FNDC3B: variants seen among roughly 807,000 people sequenced by gnomAD.
FNDC3B encodes the protein fibronectin type III domain-containing protein 3B.
A neutral mutation model predicts 151.5 loss-of-function variants in FNDC3B; 12 were observed. The observed-to-expected ratio is 0.08, with a 90% CI of 0.05 to 0.13. The LOEUF (loss-of-function observed/expected upper bound fraction) is 0.13, where lower values mean the gene tolerates loss of function less well. Among genes scored for constraint, FNDC3B ranks in the 10% least tolerant of loss-of-function variants. FNDC3B has a pLI of 1.00. For missense variants in FNDC3B, 1,214 were observed against 1,505.3 expected, an observed-to-expected ratio of 0.81 and a Z score of 3.20; for synonymous variants, 528 against 549.0, an observed-to-expected ratio of 0.96 and a Z score of 0.54.
intron 3 of FNDC3B, among the ~76,000 whole-genome samples, chr3:172,179,631 C>T (rs1347753582): frequency 1.3e-5 from 2 of 151,598 alleles, no homozygotes; most frequent in African/African-American, 2.4e-5. Flanking sequence ...GCTGTAATTC[C>T]AATACTTCGA....
intron 3 of FNDC3B, among the ~76,000 whole-genome samples, chr3:172,223,784 CA>C (rs894041751): frequency 5.3e-5 from 8 of 151,136 alleles, no homozygotes; most frequent in South Asian, 2.1e-4. Flanking sequence ...GTAATAGTAA[CA>C]AAAAAAAATT....
chr3:172,230,459 G>A (rs549688824), intron 4 of FNDC3B, among the ~76,000 whole-genome samples: 5 of 151,262 alleles, frequency 3.3e-5, no homozygotes, highest in African/African-American at 4.8e-5. Flanking sequence ...AACTGAGATC[G>A]TGCCACTGCA....
At chr3:172,209,831 G>T (rs755993995) in intron 3 of FNDC3B, among the ~76,000 whole-genome samples, 12 of 152,240 alleles carry the variant, frequency 7.9e-5, no homozygotes, top group Non-Finnish European at 1.5e-4. Flanking sequence ...CTGCAGGCCC[G>T]CACTGAACTG....
chr3:172,112,611 A>C, intron 2 of FNDC3B, 21 bp downstream of exon 2: 1 of 1,498,624 alleles, frequency 6.7e-7, no homozygotes, highest in Non-Finnish European at 9.3e-7. Context: ...GAAGAGGGAA[A>C]TTTAAGTCAA....
At chr3:172,301,343 TGAA>T (rs1159282975) in intron 9 of FNDC3B, among the ~76,000 whole-genome samples, 1 of 152,236 alleles carries the variant, frequency 6.6e-6, no homozygotes, top group Non-Finnish European at 1.5e-5. Flanking sequence ...TTTATTGAGA[TGAA>T]GATGTATTTT....
At chr3:172,087,056 C>G (rs928002343) in intron 1 of FNDC3B, among the ~76,000 whole-genome samples, 1 of 152,176 alleles carries the variant, frequency 6.6e-6, no homozygotes, top group Non-Finnish European at 1.5e-5. Flanking sequence ...CCAAGCCACT[C>G]CCGGAGATGG....
intron 3 of FNDC3B, among the ~76,000 whole-genome samples, chr3:172,189,222 A>G (rs1364189029): frequency 6.6e-6 from 1 of 152,204 alleles, no homozygotes; most frequent in Non-Finnish European, 1.5e-5. Context: ...TTAGGGGGGA[A>G]GATTTGTAAA....
At chr3:172,103,515 C>T (rs1719474592) in intron 1 of FNDC3B, among the ~76,000 whole-genome samples, 1 of 151,870 alleles carries the variant, frequency 6.6e-6, no homozygotes, top group East Asian at 1.9e-4. Context: ...TTATGCCAAG[C>T]CAAAAATGTT....
intron 11 of FNDC3B, among the ~76,000 whole-genome samples, chr3:172,321,409 A>G (rs945254010): frequency 1.3e-5 from 2 of 152,246 alleles, no homozygotes; most frequent in African/African-American, 4.8e-5. Context: ...AGCTTATACA[A>G]AAATAACTTT....
chr3:172,380,032 AT>A (rs1735357166), intron 24 of FNDC3B, among the ~76,000 whole-genome samples: 1 of 151,396 alleles, frequency 6.6e-6, no homozygotes, highest in Non-Finnish European at 1.5e-5. Context: ...AATGCTTGGA[AT>A]TTTGGCCTAG....
intron 3 of FNDC3B, among the ~76,000 whole-genome samples, chr3:172,212,254 T>C (rs80255486): frequency 0.022 from 3,331 of 152,338 alleles, 126 homozygotes; most frequent in African/African-American, 0.075. Flanking sequence ...TTAATGACTC[T>C]TTTTCCCTCT....
In FNDC3B at chr3:172,353,046, C is replaced by T. The variant is rs2108325778; in HGVS notation, c.2758C>T (p.His920Tyr). The T allele has an allele frequency of 2.5e-6, 4 of 1,613,944 alleles. No homozygotes were observed. In the East Asian group the frequency reaches 8.9e-5, roughly 36 times the overall value. Residue 920 changes from histidine (H) to tyrosine (Y), a missense_variant, in exon 22 of 26, where the codon CAT becomes TAT. Transcript: ENST00000415807. ...CATTACCGTGGGCAACACCACCATG[C>T]ATGTTATGAAAGATCTCCTTCCAGA... ...TSITVGNTTM[H>Y]VMKDLLPETT... is the part of the protein sequence containing the mutation.
intron 1 of FNDC3B, among the ~76,000 whole-genome samples, chr3:172,076,608 TTTAA>T (rs1243342118): frequency 6.6e-6 from 1 of 152,206 alleles, no homozygotes; most frequent in Admixed American, 6.5e-5. Flanking sequence ...CCTTATTATT[TTTAA>T]TTAATTTATT....
chr3:172,217,557 A>AGAT (rs1553774256), intron 3 of FNDC3B, among the ~76,000 whole-genome samples: 46 of 151,950 alleles, frequency 3.0e-4, no homozygotes, highest in Non-Finnish European at 1.3e-4. Flanking sequence ...TCAATTCCTT[A>AGAT]CATCTTGCAC....
chr3:172,362,107 C>T (rs893628470), intron 22 of FNDC3B, among the ~76,000 whole-genome samples: 2 of 152,170 alleles, frequency 1.3e-5, no homozygotes, highest in Non-Finnish European at 2.9e-5. Context: ...ATCTGGATGC[C>T]ATCCCATTAC....
chr3:172,215,785 A>G (rs965853884), intron 3 of FNDC3B, among the ~76,000 whole-genome samples: 13 of 152,154 alleles, frequency 8.5e-5, no homozygotes, highest in African/African-American at 3.1e-4. Context: ...ACTTTTAATG[A>G]GCAATCTTTC....
At chr3:172,222,864 G>A (rs926991147) in intron 3 of FNDC3B, among the ~76,000 whole-genome samples, 16 of 152,192 alleles carry the variant, frequency 1.1e-4, no homozygotes, top group African/African-American at 3.6e-4. Context: ...AGAGGATGAG[G>A]CAGAATGATC....
chr3:172,089,697 G>A (rs1229770968), intron 1 of FNDC3B, among the ~76,000 whole-genome samples: 1 of 152,048 alleles, frequency 6.6e-6, no homozygotes, highest in Non-Finnish European at 1.5e-5. Flanking sequence ...TTCTAATAAG[G>A]CTGTCTTGTG....
intron 3 of FNDC3B, among the ~76,000 whole-genome samples, chr3:172,159,282 A>G (rs1264583288): frequency 6.6e-6 from 1 of 152,170 alleles, no homozygotes; most frequent in Non-Finnish European, 1.5e-5. Flanking sequence ...CCTGTCTCAA[A>G]AAAGAAAATT....
Sources: allele counts gnomAD v4.1 joint callset (sites outside exome capture counted in the v4.1 genomes callset), GRCh38; gene constraint gnomAD v4.1.1; transcripts MANE v1.5; gene names NCBI Gene and HGNC (gene_info 2026-07-23, HGNC 2026-07-21).